The following ALK variants were observed in gnomAD, a reference collection of about 807,000 sequenced individuals.
The protein encoded by ALK is ALK tyrosine kinase receptor.
In ALK, 74 loss-of-function variants were observed where a neutral mutation model predicts 163.1. The ratio of observed to expected loss-of-function variants is 0.45; its 90% CI spans 0.38 to 0.55. The LOEUF (loss-of-function observed/expected upper bound fraction) is 0.55, where lower values mean the gene tolerates loss of function less well. Ranked by LOEUF, ALK falls within the 20% of genes least tolerant of loss-of-function variation. The pLI is 0.00. For missense variants in ALK, 2,063 were observed against 2,105.3 expected (o/e 0.98, Z 0.39); for synonymous variants, 960 against 843.2 (o/e 1.14, Z -2.40).
chr2:29,210,213 A>G (rs531034945), intron 24 of ALK, among the ~76,000 whole-genome samples: 18 of 152,312 alleles, frequency 1.2e-4, no homozygotes, highest in Admixed American at 1.0e-3. Context: ...TCTCACAACA[A>G]CCTTATAAGA....
At position 29,253,585 on chromosome 2, in the gene ALK, C is replaced by G. The variant is rs1664876844; in HGVS notation, c.2042-2318G>C. Among the ~76,000 whole-genome samples, 2 of 151,944 alleles carry G rather than the reference C, an allele frequency of 1.3e-5. 1 individual carries two copies. The highest frequency in any genetic ancestry group is 4.2e-4 in the South Asian group (2 of 4,806). ...AGTTGCTGTGAATATGGATCCCGTG[C>G]CAACAGCACCTGGGAATTTAAAGTC... On this transcript the variant is annotated intron_variant, in intron 11 of 28. Transcript: ENST00000389048.
chr2:29,843,718 C>G (rs1389083022), intron 1 of ALK, among the ~76,000 whole-genome samples: 1 of 151,996 alleles, frequency 6.6e-6, no homozygotes, highest in Non-Finnish European at 1.5e-5. Context: ...TGGATGCAAG[C>G]AAAAAATTGT....
chr2:29,515,702 G>T (rs1348980069), intron 4 of ALK, among the ~76,000 whole-genome samples: 1 of 14,494 alleles, frequency 6.9e-5, no homozygotes, highest in Non-Finnish European at 6.7e-3. Flanking sequence ...AGCAAAACTG[G>T]TGGGACTTAA....
Position 29,571,602 on chromosome 2 carries a change from C to CTTTTTTTTTTTTTTT in ALK, c.953-39501_953-39487dup, listed in dbSNP as rs60429543. 5.5e-4 allele frequency among the ~76,000 whole-genome samples: 38 copies of CTTTTTTTTTTTTTTT among 68,512 alleles called. 1 individual carries two copies. The highest frequency in any genetic ancestry group is 8.2e-4 in the South Asian group (2 of 2,434). 44.9% of individuals were successfully genotyped at this position (68,512 alleles called of 152,430 possible). A position where few individuals can be genotyped will look rare whatever the true frequency, so the allele number is the denominator to read the frequency against. The stretch of plus-strand genomic sequence containing the variant: ...TAAATTACCTAGTCTTGGCTCATAT[C>CTTTTTTTTTTTTTTT]TTTTTTTTTTTTTTTTTTTTTTTTT... On this transcript the variant is annotated intron_variant, in intron 3 of 28. Transcript: ENST00000389048.
chr2:29,874,038 C>G (rs1304395579), intron 1 of ALK, among the ~76,000 whole-genome samples: 2 of 152,116 alleles, frequency 1.3e-5, no homozygotes, highest in Admixed American at 6.5e-5. Flanking sequence ...CCTCCCCAAC[C>G]CTAAGCAGGA....
intron 2 of ALK, among the ~76,000 whole-genome samples, chr2:29,696,509 G>A (rs546512148): frequency 1.6e-4 from 21 of 127,380 alleles, no homozygotes; most frequent in Non-Finnish European, 2.7e-4. Context: ...GTTCGCACAT[G>A]TATCCAAGAA....
intron 6 of ALK, among the ~76,000 whole-genome samples, chr2:29,322,120 T>C (rs1192026002): frequency 1.3e-5 from 2 of 152,238 alleles, no homozygotes; most frequent in Non-Finnish European, 2.9e-5. Context: ...TGTGTCTCCA[T>C]GTGGGAGGAA....
chr2:29,698,130 G>C (rs1220095349), intron 2 of ALK, among the ~76,000 whole-genome samples: 1 of 152,194 alleles, frequency 6.6e-6, no homozygotes, highest in Non-Finnish European at 1.5e-5. Context: ...ATAGTGGCAA[G>C]CTGAAATGGG....
At position 29,518,659 on chromosome 2, in the gene ALK, G is replaced by C. The variant is rs185410438; in HGVS notation, c.1154+13256C>G. Among the ~76,000 whole-genome samples the C allele has an allele frequency of 2.4e-3, 363 of 152,296 alleles. 2 individuals carry two copies. The highest frequency in any genetic ancestry group is 8.2e-3 in the African/African-American group (340 of 41,554). ...AGTCCCCTGACCCCTTTGCTGGTAAGAATCCCTCTGAACAATATGGCTGTG... is the reference window on the plus strand; with the variant it reads ...AGTCCCCTGACCCCTTTGCTGGTAACAATCCCTCTGAACAATATGGCTGTG... On this transcript the variant is annotated intron_variant, in intron 4 of 28. Transcript: ENST00000389048.
Position 29,227,177 on chromosome 2 carries a change from C to G in ALK, c.2915-103G>C. Reference sequence around the variant, plus strand: ...GGTCACTGTGGGTGCTCTGGTGGTCCCTGTTCCTAGGTCCCATAGCCACTG... The same window carrying G: ...GGTCACTGTGGGTGCTCTGGTGGTCGCTGTTCCTAGGTCCCATAGCCACTG... On this transcript the variant is annotated intron_variant, in intron 17 of 28. Coordinates refer to ENST00000389048, the MANE Select transcript of ALK (RefSeq NM_004304.5). The surrounding 1 kb of genome is among the most constrained non-coding windows in gnomAD (Gnocchi z 4.4). 6.7e-7 allele frequency: 1 copy of G among 1,486,956 alleles called. No individual in the cohort carries two copies. The highest frequency in any genetic ancestry group is 1.7e-5 in the Admixed American group (1 of 59,424). The allele number at this position is 1,486,956 out of a possible 1,614,324, so 92.1% of individuals were successfully genotyped here.
chr2:29,294,438 G>T (rs1020785816), intron 9 of ALK, among the ~76,000 whole-genome samples: 3 of 152,210 alleles, frequency 2.0e-5, no homozygotes, highest in African/African-American at 7.2e-5. Context: ...GGGAGATATT[G>T]TCATTATTAT....
chr2:29,526,434 G>C (rs1672962378), intron 4 of ALK, among the ~76,000 whole-genome samples: 1 of 152,182 alleles, frequency 6.6e-6, no homozygotes, highest in African/African-American at 2.4e-5. Context: ...CTGGGTGTGA[G>C]TTTTAAGGCT....
Position 29,837,357 on chromosome 2 carries a change from G to C in ALK, c.667+82636C>G, listed in dbSNP as rs893606989. Among the ~76,000 whole-genome samples, 7 of 151,556 alleles carry C rather than the reference G, an allele frequency of 4.6e-5. No individual in the cohort carries two copies. The East Asian group carries it at 1.4e-3, about 29-fold the overall frequency. ...TTGTAGGATATGGCACCAGAAAGAAGGGAGCAGTGCAAACAATGAGATCTA... is the reference window on the plus strand; with the variant it reads ...TTGTAGGATATGGCACCAGAAAGAACGGAGCAGTGCAAACAATGAGATCTA... On this transcript the variant is annotated intron_variant, in intron 1 of 28. Transcript: ENST00000389048.
intron 11 of ALK, among the ~76,000 whole-genome samples, chr2:29,273,967 G>A (rs1201879243): frequency 2.0e-5 from 3 of 152,130 alleles, no homozygotes; most frequent in African/African-American, 4.8e-5. Flanking sequence ...TTTGTAGGAC[G>A]GGCTCCCCTC....
At chr2:29,726,118 C>T (rs916141942) in intron 1 of ALK, among the ~76,000 whole-genome samples, 1 of 152,108 alleles carries the variant, frequency 6.6e-6, no homozygotes, top group African/African-American at 2.4e-5. Context: ...TCCAAGACAG[C>T]AAATATCACT....
chr2:29,272,692 A>G (rs895444882), intron 11 of ALK, among the ~76,000 whole-genome samples: 1 of 152,242 alleles, frequency 6.6e-6, no homozygotes, highest in African/African-American at 2.4e-5. Context: ...CTTTGGAAAG[A>G]AAAATCTTAT....
At chr2:29,723,250 A>G (rs1017044320) in intron 1 of ALK, among the ~76,000 whole-genome samples, 4 of 152,034 alleles carry the variant, frequency 2.6e-5, no homozygotes, top group African/African-American at 9.7e-5. Flanking sequence ...CGAACTCACC[A>G]AGCACATTCC....
At chr2:29,342,387 G>A (rs1255099676) in intron 5 of ALK, among the ~76,000 whole-genome samples, 1 of 152,214 alleles carries the variant, frequency 6.6e-6, no homozygotes, top group Non-Finnish European at 1.5e-5. Flanking sequence ...GAGATACCTT[G>A]TGTAGTGAAA....
chr2:29,913,605 C>T (rs1172457517), intron 1 of ALK, among the ~76,000 whole-genome samples: 2 of 152,170 alleles, frequency 1.3e-5, no homozygotes, highest in Non-Finnish European at 2.9e-5. Context: ...TATCTACTCC[C>T]AAGTAGAAAT....
Sources: allele counts gnomAD v4.1 joint callset (sites outside exome capture counted in the v4.1 genomes callset), GRCh38; gene constraint gnomAD v4.1.1; non-coding constraint Gnocchi (gnomAD v3.1); transcripts MANE v1.5; gene names NCBI Gene and HGNC (gene_info 2026-07-23, HGNC 2026-07-21).